Variants in MTA3 observed in about 807,000 individuals in gnomAD.
MTA3 encodes metastasis-associated protein MTA3.
A neutral mutation model predicts 83.5 loss-of-function variants in MTA3; 34 were observed. The ratio of observed to expected loss-of-function variants is 0.41; its 90% CI spans 0.31 to 0.54. MTA3 has a LOEUF of 0.54. MTA3 is among the 20% of genes least tolerant of loss of function. The pLI, the probability that MTA3 is intolerant of heterozygous loss-of-function variation, is 0.33. For synonymous variants in MTA3, 303 were observed against 252.7 expected, an observed-to-expected ratio of 1.20 and a Z score of -1.89; for missense variants, 761 against 726.4, an observed-to-expected ratio of 1.05 and a Z score of -0.55.
intron 16 of MTA3, among the ~76,000 whole-genome samples, chr2:42,744,757 C>CAAA (rs1669291919): frequency 6.6e-6 from 1 of 152,170 alleles, no homozygotes; most frequent in South Asian, 2.1e-4. Context: ...ATCAAAAGAG[C>CAAA]AGTCATAACT....
intron 3 of MTA3, among the ~76,000 whole-genome samples, chr2:42,583,559 A>T (rs1364591207): frequency 3.9e-5 from 6 of 152,138 alleles, no homozygotes; most frequent in African/African-American, 1.4e-4. Flanking sequence ...TTTGAGATAG[A>T]GTCTTGCTCT....
chr2:42,597,243 T>A (rs993377136), intron 3 of MTA3, among the ~76,000 whole-genome samples: 2 of 151,826 alleles, frequency 1.3e-5, no homozygotes, highest in East Asian at 1.9e-4. Context: ...TATTATTATT[T>A]TTGTAGAAAT....
chr2:42,638,780 TC>T, intron 4 of MTA3, among the ~76,000 whole-genome samples: 1 of 151,998 alleles, frequency 6.6e-6, no homozygotes, highest in South Asian at 2.1e-4. Context: ...TATAAACACT[TC>T]CAGTAACCAC....
At chr2:42,735,892 C>T (rs1433701001) in intron 16 of MTA3, among the ~76,000 whole-genome samples, 2 of 152,144 alleles carry the variant, frequency 1.3e-5, no homozygotes, top group African/African-American at 2.4e-5. Context: ...TTTGAATTCT[C>T]TGTCTGAAAG....
chr2:42,742,439 CTT>C (rs1274830199), intron 16 of MTA3, among the ~76,000 whole-genome samples: 1 of 152,126 alleles, frequency 6.6e-6, no homozygotes, highest in Non-Finnish European at 1.5e-5. Context: ...GAAGCCATCA[CTT>C]TTTAATAAAA....
intron 6 of MTA3, among the ~76,000 whole-genome samples, chr2:42,645,667 C>T (rs556034933): frequency 1.3e-5 from 2 of 152,096 alleles, no homozygotes; most frequent in East Asian, 3.9e-4. Context: ...TAATCCAGAG[C>T]AGGGCCCTAA....
At chr2:42,742,491 G>A (rs935873063) in intron 16 of MTA3, among the ~76,000 whole-genome samples, 1 of 152,008 alleles carries the variant, frequency 6.6e-6, no homozygotes, top group Non-Finnish European at 1.5e-5. Flanking sequence ...AAGCTCATCT[G>A]CCGATATACC....
chr2:42,740,881 G>C (rs1668979338), intron 16 of MTA3, among the ~76,000 whole-genome samples: 1 of 152,254 alleles, frequency 6.6e-6, no homozygotes, highest in East Asian at 1.9e-4. Context: ...AAAGTCACCA[G>C]CTGCATTAGC....
intron 2 of MTA3, among the ~76,000 whole-genome samples, chr2:42,543,321 G>T (rs559677243): frequency 6.6e-6 from 1 of 151,906 alleles, no homozygotes; most frequent in East Asian, 1.9e-4. Flanking sequence ...GGGATTACAG[G>T]TGCACACCAC....
intron 7 of MTA3, among the ~76,000 whole-genome samples, chr2:42,657,007 G>A (rs568838217): frequency 2.6e-5 from 4 of 152,184 alleles, no homozygotes; most frequent in African/African-American, 9.6e-5. Flanking sequence ...ATTATAAAAT[G>A]TTTGCTGTGT....
At chr2:42,559,497 G>T (rs1677560366) in intron 2 of MTA3, among the ~76,000 whole-genome samples, 2 of 141,486 alleles carry the variant, frequency 1.4e-5, no homozygotes, top group Non-Finnish European at 1.5e-5. Context: ...GCGAGACCTT[G>T]TCTCAAAAAA....
intron 2 of MTA3, among the ~76,000 whole-genome samples, chr2:42,540,255 C>T (rs1676461958): frequency 6.7e-6 from 1 of 149,370 alleles, no homozygotes; most frequent in African/African-American, 2.5e-5. Flanking sequence ...CTCACTGCAG[C>T]CTCAAACTCT....
chr2:42,587,862 A>G (rs1680527506), intron 3 of MTA3, among the ~76,000 whole-genome samples: 1 of 152,104 alleles, frequency 6.6e-6, no homozygotes, highest in African/African-American at 2.4e-5. Context: ...TTGGCCTCCT[A>G]AGGTGCTGGG....
At position 42,708,960 on chromosome 2, in the gene MTA3, G is replaced by A. The variant is rs1046785922; in HGVS notation, c.1389G>A (p.Lys463=). The A allele has an allele frequency of 2.5e-6, 4 of 1,613,898 alleles. No homozygotes were observed. In the African/African-American group the frequency reaches 4.0e-5, roughly 16 times the overall value. Residue 463 remains lysine (K), a synonymous_variant, in exon 14 of 17, where the codon AAG becomes AAA. Coordinates refer to ENST00000405094, the MANE Select transcript of MTA3 (RefSeq NM_001330442.2). ...CTGGGAGTCCAAAGTCTGCAGTGAAGACCCGCCAAGCTTTCTTCCTTCATA... is the reference window on the plus strand; with the variant it reads ...CTGGGAGTCCAAAGTCTGCAGTGAAAACCCGCCAAGCTTTCTTCCTTCATA... The part of the protein sequence containing the change: ...RNTGSPKSAV[K]TRQAFFLHTT...
At chr2:42,631,615 T>C (rs1303865017) in intron 4 of MTA3, among the ~76,000 whole-genome samples, 1 of 152,226 alleles carries the variant, frequency 6.6e-6, no homozygotes. Flanking sequence ...AAATATGGGC[T>C]ATCTGTCCCC....
chr2:42,551,216 A>T (rs1677095513), intron 2 of MTA3, among the ~76,000 whole-genome samples: 1 of 151,806 alleles, frequency 6.6e-6, no homozygotes, highest in Non-Finnish European at 1.5e-5. Context: ...TTTGAGACGA[A>T]GTCTTGCTCT....
chr2:42,576,590 C>G (rs558805188), intron 2 of MTA3, among the ~76,000 whole-genome samples: 16 of 149,900 alleles, frequency 1.1e-4, no homozygotes, highest in African/African-American at 3.4e-4. Flanking sequence ...CATAATAAGA[C>G]CCCCCATCTC....
At chr2:42,589,472 G>C (rs1680713643) in intron 3 of MTA3, among the ~76,000 whole-genome samples, 2 of 152,296 alleles carry the variant, frequency 1.3e-5, no homozygotes, top group African/African-American at 4.8e-5. Flanking sequence ...AAATAACACT[G>C]ATTTTCTGCC....
intron 4 of MTA3, among the ~76,000 whole-genome samples, chr2:42,621,498 C>T (rs989310442): frequency 2.0e-5 from 3 of 152,232 alleles, no homozygotes; most frequent in African/African-American, 4.8e-5. Flanking sequence ...CTTCTTAGTA[C>T]AGAACAAAAT....
Sources: gnomAD v4.1 joint callset for allele counts (sites outside exome capture counted in the v4.1 genomes callset) on GRCh38, gnomAD v4.1.1 for gene constraint, MANE v1.5 for transcripts, NCBI Gene and HGNC (gene_info 2026-07-23, HGNC 2026-07-21) for gene names.